Variants in SCP2 observed in about 807,000 individuals in gnomAD.
SCP2 encodes the protein SCP-2/3-oxoacyl-CoA thiolase.
A neutral mutation model predicts 71.4 loss-of-function variants in SCP2; 48 were observed. The observed-to-expected ratio is 0.67, with a 90% CI of 0.53 to 0.86. The LOEUF is 0.86. Ranked by LOEUF, SCP2 falls within the 40% of genes least tolerant of loss-of-function variation. The pLI is 0.00. For synonymous variants in SCP2, 220 were observed against 218.1 expected (o/e 1.01, Z -0.08); for missense variants, 560 against 655.6 (o/e 0.85, Z 1.59).
In SCP2 at chr1:52,995,866, G is replaced by A. The variant is rs1659898758; in HGVS notation, c.1081+7730G>A. 5.9e-6 allele frequency: 8 copies of A among 1,345,722 alleles called. No homozygotes were observed. In the Admixed American group the frequency reaches 7.9e-5, roughly 13 times the overall value. The allele number at this position is 1,345,722 out of a possible 1,614,324, so 83.4% of individuals were successfully genotyped here. A position where few individuals can be genotyped will look rare whatever the true frequency, so the allele number is the denominator to read the frequency against. On this transcript the variant is annotated intron_variant, in intron 11 of 15. Transcript: ENST00000371514. ...AGTTCACTGCCATGTTCCCCTGGAAGGCCTTCCTCCACTGGTACACAGCTG... is the reference window on the plus strand; with the variant it reads ...AGTTCACTGCCATGTTCCCCTGGAAAGCCTTCCTCCACTGGTACACAGCTG...
chr1:53,046,754 T>C (rs1240113904), intron 14 of SCP2, among the ~76,000 whole-genome samples: 1 of 152,216 alleles, frequency 6.6e-6, no homozygotes, highest in African/African-American at 2.4e-5. Context: ...AGGGGCAGAA[T>C]TGGGTAGTTG....
chr1:53,012,017 T>C lies in SCP2; in HGVS notation c.1082-2873T>C, dbSNP rs77215682. On this transcript the variant is annotated intron_variant, in intron 11 of 15. Transcript: ENST00000371514. ...CCCCACCAAGGCCAGCCGTAGAAAC[T>C]AGAATCCCTCTTCCTCAAGGCAGAT... Among the ~76,000 whole-genome samples, 742 of 152,282 alleles carry C rather than the reference T, an allele frequency of 4.9e-3. 41 individuals are homozygous for C. The East Asian group carries it at 0.12, about 25-fold the overall frequency.
At chr1:52,929,727 A>G (rs1480344028) in intron 1 of SCP2, among the ~76,000 whole-genome samples, 1 of 152,156 alleles carries the variant, frequency 6.6e-6, no homozygotes, top group Non-Finnish European at 1.5e-5. Flanking sequence ...GATTCACGCC[A>G]TTCTCCTGCC....
At chr1:53,024,864 G>A (rs1279808020) in intron 12 of SCP2, among the ~76,000 whole-genome samples, 6 of 151,732 alleles carry the variant, frequency 4.0e-5, no homozygotes, top group African/African-American at 1.2e-4. Flanking sequence ...GAGCTACCAC[G>A]CCTGCCCAGA....
chr1:52,958,334 G>A (rs920242652), intron 5 of SCP2, among the ~76,000 whole-genome samples: 2 of 151,456 alleles, frequency 1.3e-5, no homozygotes, highest in African/African-American at 2.4e-5. Context: ...TGTTTCAAGC[G>A]ATTCTCCTGC....
chr1:53,044,182 C>T (rs1185198741), intron 14 of SCP2, among the ~76,000 whole-genome samples: 3 of 151,986 alleles, frequency 2.0e-5, no homozygotes, highest in African/African-American at 4.8e-5. Context: ...CTCAGCCTGC[C>T]GAGTAGCTGG....
intron 12 of SCP2, among the ~76,000 whole-genome samples, chr1:53,023,324 T>A (rs1661883424): frequency 6.6e-6 from 1 of 152,168 alleles, no homozygotes; most frequent in South Asian, 2.1e-4. Context: ...ACTGAAAAAT[T>A]GGACCAATGA....
intron 12 of SCP2, among the ~76,000 whole-genome samples, chr1:53,023,396 T>G (rs1661887843): frequency 6.6e-6 from 1 of 152,168 alleles, no homozygotes; most frequent in South Asian, 2.1e-4. Context: ...ATATTCAGAC[T>G]TTTGACCAAG....
intron 10 of SCP2, among the ~76,000 whole-genome samples, chr1:52,982,724 C>T (rs1483537941): frequency 6.6e-6 from 1 of 152,114 alleles, no homozygotes; most frequent in Non-Finnish European, 1.5e-5. Context: ...ACTGACTCCC[C>T]TTTGCCGTAC....
chr1:52,932,057 A>G (rs1653205104), intron 1 of SCP2, among the ~76,000 whole-genome samples: 1 of 152,178 alleles, frequency 6.6e-6, no homozygotes, highest in Non-Finnish European at 1.5e-5. Context: ...AGAACAAAGA[A>G]ATGGGTATTA....
intron 2 of SCP2, chr1:52,943,860 CT>C: frequency 2.2e-6 from 1 of 447,588 alleles, no homozygotes. Context: ...TTGCGAGCAG[CT>C]TTTATAGCCA....
chr1:53,033,473 C>T (rs1008697088), intron 13 of SCP2, among the ~76,000 whole-genome samples: 1 of 151,926 alleles, frequency 6.6e-6, no homozygotes, highest in African/African-American at 2.4e-5. Flanking sequence ...TGTGTGGTAG[C>T]GTGTGCCTGT....
At chr1:52,978,097 A>C in intron 8 of SCP2, 120 bp from the exon 9 acceptor site, 1 of 867,984 alleles carries the variant, frequency 1.2e-6, no homozygotes, top group South Asian at 1.4e-5. Context: ...ATCACAAAGA[A>C]GACAATCCAC....
chr1:53,031,168 A>T (rs188582055), intron 13 of SCP2, among the ~76,000 whole-genome samples: 120 of 152,268 alleles, frequency 7.9e-4, no homozygotes, highest in African/African-American at 2.7e-3. Flanking sequence ...TAATGTAGAG[A>T]TTATCTACTA....
chr1:52,960,558 A>ATG (rs1230570071), intron 5 of SCP2, among the ~76,000 whole-genome samples: 1,906 of 144,226 alleles, frequency 0.013, 44 homozygotes, highest in African/African-American at 0.045. Flanking sequence ...ACATGTGTAT[A>ATG]TATGTATGTA....
rs1332347151 is a variant in SCP2 at position 52,960,558 on chromosome 1, ATATG to A, written c.397-937_397-934del. ...TATATGTATGTATATACATGTGTAT[ATATG>A]TATGTATATATATGTATATATGTAT... is the stretch of plus-strand genomic sequence containing the variant. On this transcript the variant is annotated intron_variant, in intron 5 of 15. Coordinates refer to ENST00000371514, the MANE Select transcript of SCP2 (RefSeq NM_002979.5). 5.1e-3 allele frequency among the ~76,000 whole-genome samples: 734 copies of A among 144,672 alleles called. 7 individuals are homozygous for A. The highest frequency in any genetic ancestry group is 0.019 in the African/African-American group (716 of 38,658). The allele number at this position is 144,672 out of a possible 152,430, so 94.9% of individuals were successfully genotyped here.
intron 11 of SCP2, among the ~76,000 whole-genome samples, chr1:53,013,896 T>C (rs1166905735): frequency 2.0e-5 from 2 of 98,734 alleles, no homozygotes; most frequent in Middle Eastern, 5.1e-3. Flanking sequence ...TTTTTTTTTT[T>C]TTTTTTTTTT....
At chr1:53,009,182 G>A (rs569258858) in intron 11 of SCP2, among the ~76,000 whole-genome samples, 5 of 152,298 alleles carry the variant, frequency 3.3e-5, no homozygotes, top group South Asian at 4.1e-4. Flanking sequence ...AATGAATATC[G>A]TGAAAATGGC....
At chr1:52,983,742 T>C (rs1658724788) in intron 10 of SCP2, among the ~76,000 whole-genome samples, 2 of 152,242 alleles carry the variant, frequency 1.3e-5, no homozygotes, top group African/African-American at 2.4e-5. Flanking sequence ...CTTGTAGTTC[T>C]AACAGCTGTT....
Sources: gnomAD v4.1 joint callset for allele counts (sites outside exome capture counted in the v4.1 genomes callset) on GRCh38, gnomAD v4.1.1 for gene constraint, MANE v1.5 for transcripts, NCBI Gene and HGNC (gene_info 2026-07-23, HGNC 2026-07-21) for gene names.